REEP5: variants seen among roughly 807,000 people sequenced by gnomAD.
REEP5 encodes receptor expression-enhancing protein 5.
Under a neutral mutation model 22.4 loss-of-function variants are expected in REEP5, and 24 were observed. The ratio of observed to expected loss-of-function variants is 1.07; its 90% CI spans 0.78 to 1.51. The LOEUF (loss-of-function observed/expected upper bound fraction) is 1.51, where lower values mean the gene tolerates loss of function less well. Among genes scored for constraint, REEP5 ranks in the 40% most tolerant of loss-of-function variants. The pLI is 0.00. For synonymous variants in REEP5, 103 were observed against 88.6 expected (o/e 1.16, Z -0.92); for missense variants, 252 against 233.0 (o/e 1.08, Z -0.53).
chr5:112,879,930 TA>T (rs1242923857), intron 4 of REEP5, among the ~76,000 whole-genome samples: 1 of 151,956 alleles, frequency 6.6e-6, no homozygotes, highest in African/African-American at 2.4e-5. Flanking sequence ...ACCTCTATTT[TA>T]AAAAAATTTT....
intron 2 of REEP5, among the ~76,000 whole-genome samples, chr5:112,904,379 G>C: frequency 6.6e-6 from 1 of 151,300 alleles, no homozygotes; most frequent in East Asian, 1.9e-4. Context: ...TATTTAATTG[G>C]ATTTATTTAA....
intron 4 of REEP5, among the ~76,000 whole-genome samples, chr5:112,883,407 C>T (rs1010418050): frequency 2.0e-5 from 3 of 152,176 alleles, no homozygotes; most frequent in Non-Finnish European, 2.9e-5. Context: ...GATCACTTCT[C>T]CTCTCTGAAA....
intron 2 of REEP5, among the ~76,000 whole-genome samples, chr5:112,913,569 A>G (rs1769165873): frequency 6.8e-6 from 1 of 146,762 alleles, no homozygotes; most frequent in Non-Finnish European, 1.5e-5. Flanking sequence ...AAAAATTAAG[A>G]TGAGTCTATA....
chr5:112,903,618 C>T (rs1359782167), intron 2 of REEP5, among the ~76,000 whole-genome samples: 3 of 152,192 alleles, frequency 2.0e-5, no homozygotes, highest in African/African-American at 4.8e-5. Context: ...TTGGCTACTC[C>T]ATAACATCAG....
At position 112,902,842 on chromosome 5, in the gene REEP5, C is replaced by A. The variant is rs556299978; in HGVS notation, c.213-324G>T. Among the ~76,000 whole-genome samples, 4 of 152,298 alleles carry A rather than the reference C, an allele frequency of 2.6e-5. No homozygotes were observed. The South Asian group carries it at 8.3e-4, about 32-fold the overall frequency. Reference sequence around the variant, plus strand: ...ACTGGGAGCTAGAGCAATTTCCACTCCCAAGCTGGGTCCTGCCACGAGGGA... The same window carrying A: ...ACTGGGAGCTAGAGCAATTTCCACTACCAAGCTGGGTCCTGCCACGAGGGA... On this transcript the variant is annotated intron_variant, in intron 2 of 4. Coordinates refer to ENST00000379638, the MANE Select transcript of REEP5 (RefSeq NM_005669.5).
intron 4 of REEP5, among the ~76,000 whole-genome samples, chr5:112,886,072 A>G (rs1246342133): frequency 6.6e-6 from 1 of 152,220 alleles, no homozygotes; most frequent in African/African-American, 2.4e-5. Context: ...AGACTGGCCA[A>G]TGAACTCTTT....
chr5:112,908,706 C>G (rs13357384), intron 2 of REEP5, among the ~76,000 whole-genome samples: 1 of 151,658 alleles, frequency 6.6e-6, no homozygotes, highest in Non-Finnish European at 1.5e-5. Flanking sequence ...ACAGCGCCCA[C>G]GACCACGCCA....
intron 2 of REEP5, among the ~76,000 whole-genome samples, chr5:112,905,473 G>A (rs1236893596): frequency 1.3e-5 from 2 of 151,766 alleles, no homozygotes; most frequent in Non-Finnish European, 2.9e-5. Flanking sequence ...CCCGGGAGGC[G>A]GGGGTTGCAG....
chr5:112,890,267 G>C (rs967049527), intron 3 of REEP5, among the ~76,000 whole-genome samples: 1 of 150,324 alleles, frequency 6.7e-6, no homozygotes, highest in African/African-American at 2.5e-5. Flanking sequence ...TCCAGGCTTG[G>C]TGAGACAGCA....
At chr5:112,905,847 C>T (rs1452291884) in intron 2 of REEP5, among the ~76,000 whole-genome samples, 1 of 152,028 alleles carries the variant, frequency 6.6e-6, no homozygotes, top group East Asian at 1.9e-4. Context: ...GTCTCAAACT[C>T]ATGGGGCTCA....
intron 2 of REEP5, among the ~76,000 whole-genome samples, chr5:112,918,990 T>A (rs1481280113): frequency 6.6e-6 from 1 of 152,246 alleles, no homozygotes; most frequent in Admixed American, 6.5e-5. Flanking sequence ...ACAGAGAGTA[T>A]GACTACCTTA....
chr5:112,900,682 G>GC (rs375682497), intron 3 of REEP5, among the ~76,000 whole-genome samples: 1 of 151,890 alleles, frequency 6.6e-6, no homozygotes, highest in Non-Finnish European at 1.5e-5. Flanking sequence ...TGTGCCTGGG[G>GC]CCCCCCACTC....
intron 4 of REEP5, among the ~76,000 whole-genome samples, chr5:112,879,893 A>G (rs1768017174): frequency 1.3e-5 from 2 of 152,102 alleles, no homozygotes; most frequent in Non-Finnish European, 2.9e-5. Context: ...AGCCTGGCCA[A>G]TATGAATGGT....
intron 2 of REEP5, among the ~76,000 whole-genome samples, chr5:112,916,656 A>G (rs1769239244): frequency 1.3e-5 from 2 of 152,206 alleles, no homozygotes; most frequent in South Asian, 4.1e-4. Flanking sequence ...TTTAATTTTC[A>G]TCTCTACATA....
In REEP5 at chr5:112,887,025, G is replaced by T; in HGVS notation, c.510C>A (p.Ile170=). The change falls in exon 4 of 5, where the codon ATC becomes ATA. Residue 170 remains isoleucine, a synonymous_variant. Coordinates refer to ENST00000379638, the MANE Select transcript of REEP5 (RefSeq NM_005669.5). The part of the protein sequence containing the change: ...KDKAKETADA[I]TKEAKKATVN... Reference sequence around the variant, plus strand: ...GTTCCTGAGTCTTACCTTCTTTAGTGATGGCATCTGCAGTCTCTTTGGCCT... The same window carrying T: ...GTTCCTGAGTCTTACCTTCTTTAGTTATGGCATCTGCAGTCTCTTTGGCCT... 1 of 1,603,068 alleles carries T rather than the reference G, an allele frequency of 6.2e-7. No individual in the cohort carries two copies. The highest frequency in any genetic ancestry group is 1.1e-5 in the South Asian group (1 of 90,482).
intron 2 of REEP5, among the ~76,000 whole-genome samples, chr5:112,914,801 T>C (rs958670621): frequency 6.6e-6 from 1 of 152,110 alleles, no homozygotes; most frequent in Non-Finnish European, 1.5e-5. Flanking sequence ...CTGCAGGATA[T>C]ATATAGTAGA....
chr5:112,879,047 G>C (rs562536984), intron 4 of REEP5, among the ~76,000 whole-genome samples: 13 of 152,028 alleles, frequency 8.6e-5, no homozygotes, highest in African/African-American at 2.7e-4. Flanking sequence ...AAATACTTGA[G>C]CAAAATACTT....
At chr5:112,891,975 A>T in intron 3 of REEP5, 1 of 1,238,918 alleles carries the variant, frequency 8.1e-7, no homozygotes, top group Non-Finnish European at 1.2e-6. Flanking sequence ...AGAGAAAGTT[A>T]AAGGAACAAT....
intron 2 of REEP5, among the ~76,000 whole-genome samples, chr5:112,906,851 A>C (rs990902175): frequency 1.3e-5 from 2 of 152,182 alleles, no homozygotes; most frequent in Non-Finnish European, 2.9e-5. Context: ...TGTTCTAAGA[A>C]AGGAAATCCA....
Sources: allele counts gnomAD v4.1 joint callset (sites outside exome capture counted in the v4.1 genomes callset), GRCh38; gene constraint gnomAD v4.1.1; transcripts MANE v1.5; gene names NCBI Gene and HGNC (gene_info 2026-07-23, HGNC 2026-07-21).